TMEM63B: variants seen among roughly 807,000 people sequenced by gnomAD.
The protein encoded by TMEM63B is mechanosensitive cation channel TMEM63B.
TMEM63B carries 23 observed loss-of-function variants against 102.6 expected under a neutral mutation model. That is an observed-to-expected ratio of 0.22 (90% confidence interval 0.16 to 0.32). The LOEUF (loss-of-function observed/expected upper bound fraction) is 0.32. Ranked by LOEUF, TMEM63B falls within the 10% of genes least tolerant of loss-of-function variation. The pLI, the probability that TMEM63B is intolerant of heterozygous loss-of-function variation, is 1.00. For missense variants in TMEM63B, 628 were observed against 1,095.9 expected, an observed-to-expected ratio of 0.57 and a Z score of 6.03; for synonymous variants, 444 against 437.0, an observed-to-expected ratio of 1.02 and a Z score of -0.20.
intron 1 of TMEM63B, among the ~76,000 whole-genome samples, chr6:44,130,431 T>G (rs1020183089): frequency 3.9e-5 from 6 of 152,292 alleles, no homozygotes; most frequent in Admixed American, 3.9e-4. Flanking sequence ...TTTTTCTGTT[T>G]TTCTTTTTTC....
At chr6:44,140,154 C>T in intron 8 of TMEM63B, 98 bp from the exon 9 acceptor site, 1 of 951,364 alleles carries the variant, frequency 1.1e-6, no homozygotes, top group Non-Finnish European at 1.6e-6. Flanking sequence ...GTAGAGGGCC[C>T]TGTCTGTATC....
At chr6:44,130,887 G>C (rs1778133873) in intron 1 of TMEM63B, among the ~76,000 whole-genome samples, 1 of 151,278 alleles carries the variant, frequency 6.6e-6, no homozygotes, top group Admixed American at 6.6e-5. Context: ...AAAGTGCTGA[G>C]ATTACAGGGG....
At chr6:44,140,444 A>C (rs1242426242) in intron 9 of TMEM63B, 84 bp downstream of exon 9, 1 of 1,123,088 alleles carries the variant, frequency 8.9e-7, no homozygotes, top group Non-Finnish European at 1.3e-6. Context: ...CTCAGCCCCA[A>C]GAGGTGTCAG....
At chr6:44,136,291 G>T in intron 4 of TMEM63B, 58 bp from the exon 5 acceptor site, 3 of 1,486,484 alleles carry the variant, frequency 2.0e-6, no homozygotes, top group Non-Finnish European at 2.8e-6. Flanking sequence ...ACTCAGCCCA[G>T]CTTCCCGGGG....
chr6:44,137,021 G>A (rs1162012139), intron 5 of TMEM63B, among the ~76,000 whole-genome samples: 1 of 152,208 alleles, frequency 6.6e-6, no homozygotes, highest in Non-Finnish European at 1.5e-5. Context: ...CTCTAGCCTG[G>A]GTGACAGAGC....
At chr6:44,145,195 A>G (rs1765096050) in intron 10 of TMEM63B, among the ~76,000 whole-genome samples, 1 of 151,748 alleles carries the variant, frequency 6.6e-6, no homozygotes, top group Non-Finnish European at 1.5e-5. Flanking sequence ...GAATCACTTG[A>G]ACCCAAGAGG....
upstream of TMEM63B, chr6:44,127,137 T>TCCGGGTAAGGGGCCTCCCCTC (rs1777188646): frequency 2.2e-5 from 3 of 137,952 alleles, no homozygotes; most frequent in Admixed American, 7.2e-5. Flanking sequence ...GGGAGGAGGA[T>TCCGGGTAAGGGGCCTCCCCTC]CCGGGTAAGG....
Position 44,147,394 on chromosome 6 carries a change from G to GA in TMEM63B, c.884dup (p.Leu296AlafsTer33). ...TCCCACAGGAAGAAGGCCGAGCGGG[G>GA]AAAGCTGTACTTCACAAACCTCCAG... On this transcript the variant is annotated frameshift_variant, in exon 12 of 24. Coordinates refer to ENST00000323267, the MANE Select transcript of TMEM63B (RefSeq NM_018426.3). LOFTEE classifies it high-confidence loss of function. The GA allele has an allele frequency of 6.2e-7, 1 of 1,614,210 alleles. No individual in the cohort carries two copies. Among genetic ancestry groups the GA allele is most frequent in the Non-Finnish European group, 8.5e-7 (1 of 1,180,050 alleles).
At chr6:44,147,196 G>T (rs898289995) in intron 11 of TMEM63B, among the ~76,000 whole-genome samples, 181 bp from the exon 12 acceptor site, 1 of 152,150 alleles carries the variant, frequency 6.6e-6, no homozygotes, top group Non-Finnish European at 1.5e-5. Context: ...AGGTCAGCCT[G>T]CAGGAAGAAC....
In TMEM63B at chr6:44,150,464, C is replaced by T; in HGVS notation, c.1608-100C>T. The stretch of plus-strand genomic sequence containing the variant: ...GCCTCCTGAGCTACCCACCCCATGT[C>T]TGGGAGTCTCCCCAGTGGCTCACAG... On this transcript the variant is annotated intron_variant, in intron 17 of 23. Coordinates refer to ENST00000323267, the MANE Select transcript of TMEM63B (RefSeq NM_018426.3). The surrounding 1 kb of genome is among the most constrained non-coding windows in gnomAD (Gnocchi z 4.7). 1 of 1,501,398 alleles carries T rather than the reference C, an allele frequency of 6.7e-7. No individual in the cohort carries two copies. The highest frequency in any genetic ancestry group is 9.2e-7 in the Non-Finnish European group (1 of 1,081,356). The allele number at this position is 1,501,398 out of a possible 1,614,324, so 93.0% of individuals were successfully genotyped here. A position where few individuals can be genotyped will look rare whatever the true frequency, so the allele number is the denominator to read the frequency against.
rs1280959684 is a variant in TMEM63B, at chr6:44,150,276, A to G, written c.1573A>G (p.Met525Val). The change falls in exon 17 of 24, where the codon ATG becomes GTG. Residue 525 changes from methionine to valine, a missense_variant. Physicochemically the swap from Met to Val is conservative, Grantham distance 21. Around this residue, in one of 6 missense-constraint regions of TMEM63B, gnomAD observed 61 missense variants for 176.0 expected, o/e 0.35. Coordinates refer to ENST00000323267, the MANE Select transcript of TMEM63B (RefSeq NM_018426.3). The surrounding 1 kb of genome is among the most constrained non-coding windows in gnomAD (Gnocchi z 4.7). ...CAAGTGCTACACTTTCCTCATCTTCATGGTGCTGCTCCTACCCTCGCTGGG... is the reference window on the plus strand; with the variant it reads ...CAAGTGCTACACTTTCCTCATCTTCGTGGTGCTGCTCCTACCCTCGCTGGG... ...MHKCYTFLIF[M>V]VLLLPSLGLS... is the part of the protein sequence containing the mutation. The G allele has an allele frequency of 1.2e-6, 2 of 1,613,810 alleles. No individual in the cohort carries two copies. Among genetic ancestry groups the G allele is most frequent in the African/African-American group, 2.7e-5 (2 of 74,864 alleles).
chr6:44,137,947 G>A (rs543760805), intron 5 of TMEM63B, among the ~76,000 whole-genome samples: 8 of 152,198 alleles, frequency 5.3e-5, no homozygotes, highest in South Asian at 2.1e-4. Flanking sequence ...TGATCCGCCC[G>A]CCTTGGCCTC....
At chr6:44,149,750 G>C (rs112313575) in intron 15 of TMEM63B, 109 bp from the exon 16 acceptor site, 3 of 812,048 alleles carry the variant, frequency 3.7e-6, no homozygotes, top group Non-Finnish European at 3.9e-6. Context: ...CAACATGGGA[G>C]CCCTGAGAGT....
intron 11 of TMEM63B, 41 bp from the exon 12 acceptor site, chr6:44,147,336 C>T: frequency 1.2e-6 from 2 of 1,613,942 alleles, no homozygotes; most frequent in Non-Finnish European, 1.7e-6. Flanking sequence ...TGAGCCAGCC[C>T]CAGCCCCAGA....
At chr6:44,141,195 C>A in intron 10 of TMEM63B, 97 bp downstream of exon 10, 1 of 1,254,002 alleles carries the variant, frequency 8.0e-7, no homozygotes, top group African/African-American at 1.5e-5. Flanking sequence ...GCCTGGAGCT[C>A]TGCCGTGGGT....
intron 15 of TMEM63B, 181 bp downstream of exon 15, chr6:44,149,126 G>A (rs1419678887): frequency 1.2e-6 from 1 of 833,754 alleles, no homozygotes; most frequent in Non-Finnish European, 1.9e-6. Flanking sequence ...TTCCCCCTGA[G>A]AGAGGCCACC....
rs1766742863 is a variant in TMEM63B at position 44,152,007 on chromosome 6, G to A, written c.1835G>A (p.Arg612Gln). 2 of 1,602,674 alleles carry A rather than the reference G, an allele frequency of 1.2e-6. No individual in the cohort carries two copies. The highest frequency in any genetic ancestry group is 8.5e-7 in the Non-Finnish European group (1 of 1,175,418). Residue 612 changes from arginine (R) to glutamine (Q), a missense_variant and splice_region_variant, in exon 19 of 24, where the codon CGG becomes CAG. Physicochemically the swap from Arg to Gln is conservative, Grantham distance 43. Transcript: ENST00000323267. This position sits in a 1 kb window ranked among gnomAD's most constrained non-coding sequence, Gnocchi z 6.4. ...RSAAERRNVK[R>Q]HQAYEFQFGA... ...GCCGCCGAGAGGCGCAACGTGAAGC[G>A]GGTACGGCCGCCTGGGGCAGCAGCG...
At position 44,152,441 on chromosome 6, in the gene TMEM63B, T is replaced by C; in HGVS notation, c.1837-152T>C. 2 of 636,310 alleles carry C rather than the reference T, an allele frequency of 3.1e-6. No individual in the cohort carries two copies. The highest frequency in any genetic ancestry group is 5.5e-6 in the Non-Finnish European group (2 of 360,802). The allele number at this position is 636,310 out of a possible 1,614,324, so 39.4% of individuals were successfully genotyped here. A position where few individuals can be genotyped will look rare whatever the true frequency, so the allele number is the denominator to read the frequency against. ...GGCCATAGCCCCTCTCTCCATCTGC[T>C]CTGCCCTACCCTACCCTAGACATTA... On this transcript the variant is annotated intron_variant, in intron 19 of 23. Transcript: ENST00000323267. The surrounding 1 kb of genome is among the most constrained non-coding windows in gnomAD (Gnocchi z 6.4).
intron 15 of TMEM63B, chr6:44,149,409 T>C (rs114012315): frequency 0.017 from 4,714 of 282,270 alleles, 78 homozygotes; most frequent in Middle Eastern, 0.054. Context: ...CATACCTCTT[T>C]AGAACCTCAG....
Sources: gnomAD v4.1 joint callset for allele counts (sites outside exome capture counted in the v4.1 genomes callset) on GRCh38, gnomAD v4.1.1 for gene constraint, gnomAD v4.1.1 regional missense constraint, Gnocchi (gnomAD v3.1) non-coding constraint, MANE v1.5 for transcripts, NCBI Gene and HGNC (gene_info 2026-07-23, HGNC 2026-07-21) for gene names.